Variants in PTPRM observed in about 807,000 individuals in gnomAD.
PTPRM encodes the protein protein tyrosine phosphatase receptor type M.
Under a neutral mutation model 186.7 loss-of-function variants are expected in PTPRM, and 47 were observed. The ratio of observed to expected loss-of-function variants is 0.25; its 90% CI spans 0.20 to 0.32. PTPRM has a LOEUF of 0.32. PTPRM is among the 10% of genes least tolerant of loss of function. PTPRM has a pLI of 1.00. For missense variants in PTPRM, 1,494 were observed against 1,865.0 expected (o/e 0.80, Z 3.66); for synonymous variants, 668 against 674.9 (o/e 0.99, Z 0.16).
intron 19 of PTPRM, among the ~76,000 whole-genome samples, chr18:8,262,163 A>G (rs937816192): frequency 6.6e-6 from 1 of 151,150 alleles, no homozygotes. Flanking sequence ...TCTCCTCCCC[A>G]TTTTCAGTGG....
At chr18:7,710,892 ATAT>A (rs2040197865) in intron 1 of PTPRM, among the ~76,000 whole-genome samples, 1 of 152,198 alleles carries the variant, frequency 6.6e-6, no homozygotes, top group South Asian at 2.1e-4. Context: ...CTGCTGGAAG[ATAT>A]TATAAGTGAC....
rs1015791607 is a variant in PTPRM, at chr18:7,680,719, C to T, written c.74-93430C>T. Among the ~76,000 whole-genome samples the T allele has an allele frequency of 3.4e-5, 5 of 148,428 alleles. 1 individual carries two copies. Among genetic ancestry groups the T allele is most frequent in the South Asian group, 4.3e-4 (2 of 4,660 alleles). ...AAAAAGAAAAAGAAAAAGATGTGCC[C>T]AGATACTTACTGGTTTTCGGCTTCC... On this transcript the variant is annotated intron_variant, in intron 1 of 32. Coordinates refer to ENST00000580170, the MANE Select transcript of PTPRM (RefSeq NM_001105244.2).
chr18:7,818,343 C>A (rs923819419), intron 2 of PTPRM, among the ~76,000 whole-genome samples: 1 of 152,150 alleles, frequency 6.6e-6, no homozygotes, highest in Non-Finnish European at 1.5e-5. Flanking sequence ...TCCTTTACTT[C>A]GTTCAGTCAT....
At chr18:7,610,790 T>TATA (rs1293723926) in intron 1 of PTPRM, among the ~76,000 whole-genome samples, 1 of 152,272 alleles carries the variant, frequency 6.6e-6, no homozygotes, top group Non-Finnish European at 1.5e-5. Context: ...GACTATGTTA[T>TATA]AGGGTTATGT....
At chr18:7,954,987 C>A in intron 6 of PTPRM, 134 bp from the exon 7 acceptor site, 1 of 956,788 alleles carries the variant, frequency 1.0e-6, no homozygotes, top group Non-Finnish European at 1.5e-6. Flanking sequence ...TCTTGTTAAC[C>A]CAAACAAAAT....
chr18:7,700,625 A>G (rs2039939423), intron 1 of PTPRM, among the ~76,000 whole-genome samples: 1 of 152,302 alleles, frequency 6.6e-6, no homozygotes, highest in African/African-American at 2.4e-5. Flanking sequence ...GGTAGAGGCA[A>G]CCACAAAATT....
intron 23 of PTPRM, among the ~76,000 whole-genome samples, chr18:8,357,811 T>C (rs1289913370): frequency 6.6e-6 from 1 of 152,110 alleles, no homozygotes; most frequent in Non-Finnish European, 1.5e-5. Flanking sequence ...ATAAAACAAC[T>C]TCATTTAACC....
intron 1 of PTPRM, among the ~76,000 whole-genome samples, chr18:7,624,542 G>GTGGCGTCATCA (rs1352724054): frequency 7.9e-5 from 12 of 152,108 alleles, no homozygotes; most frequent in Middle Eastern, 3.4e-3. Context: ...CTGGAGTGCA[G>GTGGCGTCATCA]TGGCGTCATC....
At chr18:7,985,438 T>C (rs571644466) in intron 7 of PTPRM, among the ~76,000 whole-genome samples, 4 of 135,448 alleles carry the variant, frequency 3.0e-5, no homozygotes, top group Non-Finnish European at 6.2e-5. Flanking sequence ...GGTAGATACG[T>C]ATATAAATAT....
intron 13 of PTPRM, among the ~76,000 whole-genome samples, chr18:8,127,937 G>A (rs1308351181): frequency 6.6e-6 from 1 of 152,084 alleles, no homozygotes; most frequent in Non-Finnish European, 1.5e-5. Flanking sequence ...TTCAATAAAT[G>A]CTCCACTTCC....
chr18:8,271,856 CT>C (rs1441756886), intron 19 of PTPRM, among the ~76,000 whole-genome samples: 13 of 151,670 alleles, frequency 8.6e-5, no homozygotes, highest in African/African-American at 2.9e-4. Flanking sequence ...TTATTTATGC[CT>C]TCTTTTTTCC....
chr18:8,021,055 A>T (rs778928868), intron 7 of PTPRM, among the ~76,000 whole-genome samples: 1 of 152,102 alleles, frequency 6.6e-6, no homozygotes, highest in Non-Finnish European at 1.5e-5. Context: ...GGTTGGAAAC[A>T]CCTGTCAGAA....
chr18:7,923,533 A>G (rs1304714417), intron 4 of PTPRM, among the ~76,000 whole-genome samples: 1 of 152,222 alleles, frequency 6.6e-6, no homozygotes, highest in Non-Finnish European at 1.5e-5. Context: ...GAAAAGACAA[A>G]GTTTATTTTC....
intron 31 of PTPRM, among the ~76,000 whole-genome samples, chr18:8,389,123 A>G (rs920923834): frequency 8.5e-5 from 13 of 152,182 alleles, no homozygotes; most frequent in African/African-American, 3.1e-4. Context: ...TTAACATTGT[A>G]GTTCGTTTGT....
chr18:8,233,549 A>G (rs1382170314), intron 14 of PTPRM, among the ~76,000 whole-genome samples: 1 of 152,170 alleles, frequency 6.6e-6, no homozygotes, highest in African/African-American at 2.4e-5. Context: ...TTTGAACATT[A>G]TGGATACCAG....
intron 1 of PTPRM, among the ~76,000 whole-genome samples, chr18:7,681,505 G>A (rs968418035): frequency 9.2e-5 from 14 of 151,748 alleles, no homozygotes; most frequent in Non-Finnish European, 2.1e-4. Context: ...GATGTTTTTA[G>A]CATCAGTTCG....
chr18:7,797,513 C>T (rs576957376), intron 2 of PTPRM, among the ~76,000 whole-genome samples: 1 of 152,296 alleles, frequency 6.6e-6, no homozygotes, highest in South Asian at 2.1e-4. Flanking sequence ...TTCAACATTG[C>T]AGTTGAAGAT....
chr18:7,574,760 G>A (rs1474124470), intron 1 of PTPRM, among the ~76,000 whole-genome samples: 4 of 152,200 alleles, frequency 2.6e-5, no homozygotes, highest in Non-Finnish European at 5.9e-5. Context: ...GGCCAGGCGC[G>A]GTGGCTCACG....
rs189639320 is a variant in PTPRM at position 7,846,766 on chromosome 18, C to T, written c.197-41340C>T. On this transcript the variant is annotated intron_variant, in intron 2 of 32. Coordinates refer to ENST00000580170, the MANE Select transcript of PTPRM (RefSeq NM_001105244.2). Reference sequence around the variant, plus strand: ...CTGTCCTAAGGCACTGTTTTGCCTACCTGCTTGTCTTCGGAGCTCTGCTCA... The same window carrying T: ...CTGTCCTAAGGCACTGTTTTGCCTATCTGCTTGTCTTCGGAGCTCTGCTCA... Among the ~76,000 whole-genome samples the T allele has an allele frequency of 9.0e-4, 137 of 152,288 alleles. 2 individuals carry two copies. The highest frequency in any genetic ancestry group is 1.8e-3 in the Admixed American group (27 of 15,302).
Sources: allele counts gnomAD v4.1 joint callset (sites outside exome capture counted in the v4.1 genomes callset), GRCh38; gene constraint gnomAD v4.1.1; transcripts MANE v1.5; gene names NCBI Gene and HGNC (gene_info 2026-07-23, HGNC 2026-07-21).